Variants in EPPK1 observed in about 807,000 individuals in gnomAD.
The protein encoded by EPPK1 is epiplakin.
For missense variants in EPPK1, 3,823 were observed against 3,673.3 expected (o/e 1.04, Z -1.05); for synonymous variants, 1,862 against 1,721.2 (o/e 1.08, Z -2.03).
chr8:143,872,245 G>A lies in EPPK1; in HGVS notation c.1009C>T (p.Leu337=), dbSNP rs367545014. The change falls in exon 2 of 2, where the codon CTG becomes TTG. Residue 337 remains leucine (L), a synonymous_variant. Transcript: ENST00000615648. ...TLVDPITGQR[L]WVDEAVRAGL... is the part of the protein sequence containing the mutation. The stretch of plus-strand genomic sequence containing the variant: ...GCCCTGACTGCCTCGTCTACCCACA[G>A]CCGCTGGCCTGTGATGGGGTCCACC... 27 of 1,609,942 alleles carry A rather than the reference G, an allele frequency of 1.7e-5. No homozygotes were observed. The African/African-American group carries it at 3.6e-4, about 21-fold the overall frequency.
chr8:143,866,754 GT>G lies in EPPK1; in HGVS notation c.6499del (p.Thr2167ProfsTer25). 1 of 1,613,512 alleles carries G rather than the reference GT, an allele frequency of 6.2e-7. No individual in the cohort carries two copies. The highest frequency in any genetic ancestry group is 8.5e-7 in the Non-Finnish European group (1 of 1,179,882). On this transcript the variant is annotated frameshift_variant, in exon 2 of 2. Coordinates refer to ENST00000615648, the MANE Select transcript of EPPK1 (RefSeq NM_031308.4). LOFTEE classifies it low-confidence loss of function (END_TRUNC). ...TTGGAACCACAGGTGTTTGTTGCTGGTTTCCTGCTTCTCGATCAACTCTAAG... is the reference window on the plus strand; with the variant it reads ...TTGGAACCACAGGTGTTTGTTGCTGGTTCCTGCTTCTCGATCAACTCTAAG... ...LILELIEKQE[T>X]SNKHLWFQGI...
Position 143,868,368 on chromosome 8 carries a change from A to G in EPPK1, c.4886T>C (p.Phe1629Ser). 1 of 1,612,658 alleles carries G rather than the reference A, an allele frequency of 6.2e-7. No individual in the cohort carries two copies. The highest frequency in any genetic ancestry group is 8.5e-7 in the Non-Finnish European group (1 of 1,179,892). Residue 1629 changes from phenylalanine (F) to serine (S), a missense_variant, in exon 2 of 2, where the codon TTC becomes TCC. Transcript: ENST00000615648. Reference protein sequence around the residue: ...ENRKLTVEEAFKAGMFGKETY... With the variant: ...ENRKLTVEEASKAGMFGKETY... Reference sequence around the variant, plus strand: ...TTCTTTCCCGAACATTCCTGCTTTGAACGCCTCCTCCACGGTCAGCTTCCG... The same window carrying G: ...TTCTTTCCCGAACATTCCTGCTTTGGACGCCTCCTCCACGGTCAGCTTCCG...
rs782399863 is a variant in EPPK1 at position 143,867,327 on chromosome 8, G to A, written c.5927C>T (p.Thr1976Met). 4.8e-5 allele frequency: 78 copies of A among 1,612,618 alleles called. No homozygotes were observed. The Middle Eastern group carries it at 4.9e-4, about 10-fold the overall frequency. ...ERLLKAERAA[T>M]GYRDPATGDT... ...TCCTGTGGCCGGATCCCTGTAGCCC[G>A]TGGCAGCTCTTTCAGCCTTCAGGAG... The change falls in exon 2 of 2, where the codon ACG (threonine) becomes ATG (methionine). Residue 1976 changes from threonine to methionine, a missense_variant. Transcript: ENST00000615648.
At chr8:143,877,713 C>T (rs149845388) in intron 1 of EPPK1, among the ~76,000 whole-genome samples, 8 of 152,170 alleles carry the variant, frequency 5.3e-5, no homozygotes, top group Non-Finnish European at 1.0e-4. Context: ...AGCTTCTGCC[C>T]GGCTGTGTGC....
In EPPK1 at chr8:143,870,266, C is replaced by T. The variant is rs782591031; in HGVS notation, c.2988G>A (p.Glu996=). The T allele has an allele frequency of 1.3e-6, 2 of 1,596,182 alleles. No individual in the cohort carries two copies. Among genetic ancestry groups the T allele is most frequent in the Non-Finnish European group, 1.7e-6 (2 of 1,174,460 alleles). ...EAVRRGVVGP[E]LYGRLKRAEG... ...CAGCCCGCTTCAGCCTGCCATACAG[C>T]TCCGGCCCCACCACACCCCTGCGCA... Residue 996 remains glutamate (E), a synonymous_variant, in exon 2 of 2, where the codon GAG becomes GAA. Transcript: ENST00000615648. The surrounding 1 kb of genome is among the most constrained non-coding windows in gnomAD (Gnocchi z 5.2).
At position 143,871,650 on chromosome 8, in the gene EPPK1, G is replaced by A. The variant is rs1554661254; in HGVS notation, c.1604C>T (p.Thr535Ile). ...AMLAQQYQEG[T>I]LSVEKLAAKL... The stretch of plus-strand genomic sequence containing the variant: ...AGCGGCCAGCTTCTCCACGGAGAGG[G>A]TCCCTTCCTGGTACTGCTGGGCCAG... The change falls in exon 2 of 2, where the codon ACC becomes ATC. Residue 535 changes from threonine (T) to isoleucine (I), a missense_variant. Physicochemically the swap from Thr to Ile is moderately conservative, Grantham distance 89. Transcript: ENST00000615648. 6.2e-7 allele frequency: 1 copy of A among 1,602,744 alleles called. No individual in the cohort carries two copies. The highest frequency in any genetic ancestry group is 1.7e-5 in the Admixed American group (1 of 58,818).
Position 143,866,869 on chromosome 8 carries a change from CG to C in EPPK1, c.6384del (p.Glu2129AsnfsTer3). 6.2e-7 allele frequency: 1 copy of C among 1,613,228 alleles called. No homozygotes were observed. The highest frequency in any genetic ancestry group is 8.5e-7 in the Non-Finnish European group (1 of 1,179,864). On this transcript the variant is annotated frameshift_variant, in exon 2 of 2. Coordinates refer to ENST00000615648, the MANE Select transcript of EPPK1 (RefSeq NM_031308.4). LOFTEE classifies it low-confidence loss of function (END_TRUNC). Reference protein sequence around the residue: ...QKPTLWALLNSEYVTEEKKLQ... With the variant: ...QKPTLWALLNXEYVTEEKKLQ... ...AGCTTCTTCTCCTCTGTCACGTATTCGGAATTCAGTAGTGCCCACAGTGTTG... is the reference window on the plus strand; with the variant it reads ...AGCTTCTTCTCCTCTGTCACGTATTCGAATTCAGTAGTGCCCACAGTGTTG...
In EPPK1 at chr8:143,866,931, A is replaced by T; in HGVS notation, c.6323T>A (p.Val2108Glu). 2 of 1,612,730 alleles carry T rather than the reference A, an allele frequency of 1.2e-6. No individual in the cohort carries two copies. Among genetic ancestry groups the T allele is most frequent in the Non-Finnish European group, 1.7e-6 (2 of 1,179,824 alleles). ...TCTGAACCTTCCCACTGTGATTTCC[A>T]CTTGCTCTGCCTCCAGGGCCCTTCT... ...ETRRALEAEQ[V>E]EITVGRFRGQ... The change falls in exon 2 of 2, where the codon GTG becomes GAG. Residue 2108 changes from valine to glutamate, a missense_variant. Physicochemically the swap from Val to Glu is moderately radical, Grantham distance 121. Transcript: ENST00000615648.
rs1554661400 is a variant in EPPK1 at position 143,872,023 on chromosome 8, G to A, written c.1231C>T (p.Leu411Phe). 3.8e-6 allele frequency: 6 copies of A among 1,563,980 alleles called. No homozygotes were observed. The highest frequency in any genetic ancestry group is 1.4e-5 in the African/African-American group (1 of 73,984). Residue 411 changes from leucine (L) to phenylalanine (F), a missense_variant, in exon 2 of 2, where the codon CTC becomes TTC. Coordinates refer to ENST00000615648, the MANE Select transcript of EPPK1 (RefSeq NM_031308.4). ...TGGLVCPARR[L>F]RLPLEAALRC... ...AGGGCGGCCTCCAGGGGCAGCCGGA[G>A]CCTGCGTGCTGGACAGACCAGCCCG...
chr8:143,876,776 C>T (rs368468850), intron 1 of EPPK1, among the ~76,000 whole-genome samples: 1 of 152,204 alleles, frequency 6.6e-6, no homozygotes, highest in South Asian at 2.1e-4. Context: ...CAGGGCCCTG[C>T]CCTGTCCCCT....
In EPPK1 at chr8:143,857,730, G is replaced by A. The variant is rs1265844840; in HGVS notation, c.*257C>T. 2.4e-6 allele frequency: 1 copy of A among 412,038 alleles called. No individual in the cohort carries two copies. Among genetic ancestry groups the A allele is most frequent in the Non-Finnish European group, 4.3e-6 (1 of 234,898 alleles). 25.5% of individuals were successfully genotyped at this position (412,038 alleles called of 1,614,324 possible). The stretch of plus-strand genomic sequence containing the variant: ...ACAGACAGAAAAATGTTCTGAAAAC[G>A]AAAAAGGAGAGAAAAGTAAAACCAT... On this transcript the variant is annotated 3_prime_UTR_variant, in exon 2 of 2. Coordinates refer to ENST00000615648, the MANE Select transcript of EPPK1 (RefSeq NM_031308.4).
intron 1 of EPPK1, among the ~76,000 whole-genome samples, chr8:143,877,205 T>TCTGGGCCCTGCCCCTTCC (rs1203316386): frequency 5.9e-5 from 9 of 152,204 alleles, no homozygotes; most frequent in South Asian, 2.1e-4. Flanking sequence ...TATGAACCCC[T>TCTGGGCCCTGCCCCTTCC]CTGGGCCCTG....
Position 143,869,382 on chromosome 8 carries a change from T to C in EPPK1, c.3872A>G (p.Asp1291Gly), listed in dbSNP as rs782040377. Residue 1291 changes from aspartate to glycine, a missense_variant, in exon 2 of 2, where the codon GAC becomes GGC. Coordinates refer to ENST00000615648, the MANE Select transcript of EPPK1 (RefSeq NM_031308.4). The part of the protein sequence containing the change: ...EAQVASGFLV[D>G]PLNNQRLSVE... ...TGACAGTCTCTGGTTGTTCAGGGGG[T>C]CAACAAGGAAGCCAGATGCCACCTG... 3.1e-6 allele frequency: 5 copies of C among 1,610,138 alleles called. No individual in the cohort carries two copies. The highest frequency in any genetic ancestry group is 4.2e-6 in the Non-Finnish European group (5 of 1,178,940).
upstream of EPPK1, chr8:143,878,609 CA>C (rs1327241502): frequency 6.6e-6 from 1 of 151,496 alleles, no homozygotes; most frequent in Non-Finnish European, 1.5e-5. Flanking sequence ...CTGGCGCTTG[CA>C]CCCCGGGCAA....
In EPPK1 at chr8:143,858,040, C is replaced by G. The variant is rs782507393; in HGVS notation, c.15214G>C (p.Ala5072Pro). The G allele has an allele frequency of 6.2e-7, 1 of 1,613,154 alleles. No individual in the cohort carries two copies. Among genetic ancestry groups the G allele is most frequent in the Non-Finnish European group, 8.5e-7 (1 of 1,179,892 alleles). Residue 5072 changes from alanine to proline, a missense_variant, in exon 2 of 2, where the codon GCC (alanine) becomes CCC (proline). Ala to Pro is a conservative substitution (Grantham distance 27, BLOSUM62 -1). Transcript: ENST00000615648. ...NLTYLQLLQRATLDPETGLLF... is the reference protein window; with the variant it reads ...NLTYLQLLQRPTLDPETGLLF... ...AGCCCCGTCTCAGGGTCCAGGGTGGCCCTCTGCAGAAGCTGCAGGTACGTG... is the reference window on the plus strand; with the variant it reads ...AGCCCCGTCTCAGGGTCCAGGGTGGGCCTCTGCAGAAGCTGCAGGTACGTG...
At position 143,865,335 on chromosome 8, in the gene EPPK1, AG is replaced by A. The variant is rs1158588642; in HGVS notation, c.7918del (p.Leu2640CysfsTer29). 8.1e-6 allele frequency: 3 copies of A among 371,458 alleles called. No individual in the cohort carries two copies. The highest frequency in any genetic ancestry group is 1.3e-5 in the Non-Finnish European group (3 of 232,550). The allele number at this position is 371,458 out of a possible 1,614,324, so 23.0% of individuals were successfully genotyped here. A position where few individuals can be genotyped will look rare whatever the true frequency, so the allele number is the denominator to read the frequency against. ...CTGCACCTCCATGGTGGCATCACGC[AG>A]GGTCTGCTCCTGGCGGCGGGCGGCG... Reference protein sequence around the residue: ...AAAARRQEQTLRDATMEVQRG... With the variant: ...AAAARRQEQTXRDATMEVQRG... On this transcript the variant is annotated frameshift_variant, in exon 2 of 2. Coordinates refer to ENST00000615648, the MANE Select transcript of EPPK1 (RefSeq NM_031308.4). LOFTEE classifies it low-confidence loss of function (END_TRUNC).
chr8:143,868,549 C>T lies in EPPK1; in HGVS notation c.4705G>A (p.Gly1569Arg), dbSNP rs1554659993. 1.2e-6 allele frequency: 2 copies of T among 1,604,558 alleles called. No homozygotes were observed. Among genetic ancestry groups the T allele is most frequent in the Non-Finnish European group, 8.5e-7 (1 of 1,176,158 alleles). The stretch of plus-strand genomic sequence containing the variant: ...AGGACCCCGGCAATGAAGTTGCCTC[C>T]CTCCAGGGACCGCTTCACGCTGTCC... ...EMDSVKRSLE[G>R]GNFIAGVLIQ... The change falls in exon 2 of 2, where the codon GGA becomes AGA. Residue 1569 changes from glycine to arginine, a missense_variant. Coordinates refer to ENST00000615648, the MANE Select transcript of EPPK1 (RefSeq NM_031308.4).
rs1554657980 is a variant in EPPK1 at position 143,858,096 on chromosome 8, C to T, written c.15158G>A (p.Gly5053Asp). ...CTCGTGCGTGTTGGGGTCGAAGAAG[C>T]CCTTGGTGTCGTCGCTGGGGTCGGC... ...VLADPSDDTKGFFDPNTHENL... is the reference protein window; with the variant it reads ...VLADPSDDTKDFFDPNTHENL... The change falls in exon 2 of 2, where the codon GGC becomes GAC. Residue 5053 changes from glycine (G) to aspartate (D), a missense_variant. By Grantham distance (94) the Gly-to-Asp change is moderately conservative (BLOSUM62 -1). Transcript: ENST00000615648. 1 of 1,613,530 alleles carries T rather than the reference C, an allele frequency of 6.2e-7. No individual in the cohort carries two copies. The highest frequency in any genetic ancestry group is 1.1e-5 in the South Asian group (1 of 91,086).
chr8:143,872,916 A>G lies in EPPK1; in HGVS notation c.338T>C (p.Leu113Pro). ...LVGLELKEKL[L>P]AAERATTGYP... The stretch of plus-strand genomic sequence containing the variant: ...GCCCGTAGTGGCACGCTCAGCGGCC[A>G]GCAGCTTCTCCTTCAGCTCCAGCCC... The change falls in exon 2 of 2, where the codon CTG becomes CCG. Residue 113 changes from leucine to proline, a missense_variant. Physicochemically the swap from Leu to Pro is moderately conservative, Grantham distance 98. Transcript: ENST00000615648. 1.2e-6 allele frequency: 2 copies of G among 1,608,184 alleles called. No homozygotes were observed. The highest frequency in any genetic ancestry group is 2.2e-5 in the East Asian group (1 of 44,786).
Sources: allele counts gnomAD v4.1 joint callset (sites outside exome capture counted in the v4.1 genomes callset), GRCh38; gene constraint gnomAD v4.1.1; non-coding constraint Gnocchi (gnomAD v3.1); transcripts MANE v1.5; gene names NCBI Gene and HGNC (gene_info 2026-07-23, HGNC 2026-07-21).